LRRC4C: variants seen among roughly 807,000 people sequenced by gnomAD.
LRRC4C encodes the protein leucine rich repeat containing 4C.
A neutral mutation model predicts 33.6 loss-of-function variants in LRRC4C; 5 were observed. The observed-to-expected ratio is 0.15, with a 90% confidence interval of 0.08 to 0.31. LRRC4C has a LOEUF of 0.31. Ranked by LOEUF, LRRC4C falls within the 10% of genes least tolerant of loss-of-function variation. The probability of loss-of-function intolerance (pLI) is 1.00; values close to 1 mark genes in which losing one functional copy is unlikely to be tolerated. For missense variants in LRRC4C, 560 were observed against 796.7 expected (o/e 0.70, Z 3.58); for synonymous variants, 329 against 302.0 (o/e 1.09, Z -0.93).
chr11:40,748,244 G>A lies in LRRC4C; in HGVS notation c.-406-99966C>T, dbSNP rs547682355. On this transcript the variant is annotated intron_variant, in intron 2 of 6. Transcript: ENST00000528697. ...AAACTTTTCAGGTCAGCAAAGAATAGGATAATATATTTAAAGTGCTAGAAG... is the reference window on the plus strand; with the variant it reads ...AAACTTTTCAGGTCAGCAAAGAATAAGATAATATATTTAAAGTGCTAGAAG... 1.0e-3 allele frequency among the ~76,000 whole-genome samples: 155 copies of A among 152,018 alleles called. 1 individual carries two copies. The highest frequency in any genetic ancestry group is 3.4e-3 in the Middle Eastern group (1 of 294).
At chr11:41,084,435 A>G (rs1939804328) in intron 1 of LRRC4C, among the ~76,000 whole-genome samples, 1 of 152,110 alleles carries the variant, frequency 6.6e-6, no homozygotes, top group African/African-American at 2.4e-5. Context: ...AAGTTTTAAC[A>G]CATACATTTT....
rs1457468141 is a variant in LRRC4C, at chr11:41,343,364, G to GAAAAA, written c.-496+116066_-496+116067insTTTTT. 2.1e-5 allele frequency among the ~76,000 whole-genome samples: 3 copies of GAAAAA among 140,302 alleles called. No individual in the cohort carries two copies. The East Asian group carries it at 7.6e-4, about 36-fold the overall frequency. The allele number at this position is 140,302 out of a possible 152,430, so 92.0% of individuals were successfully genotyped here. A position where few individuals can be genotyped will look rare whatever the true frequency, so the allele number is the denominator to read the frequency against. ...AAGGGAAGAGCAAGGGATGATTAAA[G>GAAAAA]AGAAAACAAAACAAAACAAAACAAA... On this transcript the variant is annotated intron_variant, in intron 1 of 6. Transcript: ENST00000528697.
At chr11:41,041,863 C>CA (rs1294113595) in intron 1 of LRRC4C, among the ~76,000 whole-genome samples, 1 of 152,182 alleles carries the variant, frequency 6.6e-6, no homozygotes, top group Non-Finnish European at 1.5e-5. Context: ...TATGGATTCA[C>CA]AAACACTGAC....
intron 3 of LRRC4C, among the ~76,000 whole-genome samples, chr11:40,565,636 G>T (rs1317820338): frequency 6.6e-6 from 1 of 152,046 alleles, no homozygotes; most frequent in South Asian, 2.1e-4. Context: ...CTCACCCAAA[G>T]ACTCTTTTGG....
At chr11:40,625,746 C>T (rs533710571) in intron 3 of LRRC4C, among the ~76,000 whole-genome samples, 1 of 152,092 alleles carries the variant, frequency 6.6e-6, no homozygotes. Context: ...GGTAAAGTCA[C>T]TGAGCAAAAA....
chr11:40,465,623 A>G (rs1268740047), intron 3 of LRRC4C, among the ~76,000 whole-genome samples: 3 of 152,098 alleles, frequency 2.0e-5, no homozygotes, highest in Non-Finnish European at 4.4e-5. Flanking sequence ...TAACCCCATC[A>G]AAAAGTGGGC....
At chr11:40,907,402 G>A (rs556502683) in intron 2 of LRRC4C, among the ~76,000 whole-genome samples, 1 of 152,204 alleles carries the variant, frequency 6.6e-6, no homozygotes, top group East Asian at 1.9e-4. Context: ...ACATAATGGG[G>A]CAATCATTAT....
intron 1 of LRRC4C, among the ~76,000 whole-genome samples, chr11:41,061,987 C>T (rs999859951): frequency 6.6e-6 from 1 of 152,212 alleles, no homozygotes; most frequent in Non-Finnish European, 1.5e-5. Context: ...AATTGACAAG[C>T]TCAAGTGAGC....
At chr11:41,331,605 C>T (rs1362685865) in intron 1 of LRRC4C, among the ~76,000 whole-genome samples, 1 of 152,182 alleles carries the variant, frequency 6.6e-6, no homozygotes, top group Non-Finnish European at 1.5e-5. Flanking sequence ...ATATCCAACT[C>T]AAGGCACTTG....
At chr11:40,644,310 G>A (rs575551495) in intron 3 of LRRC4C, among the ~76,000 whole-genome samples, 6 of 152,204 alleles carry the variant, frequency 3.9e-5, no homozygotes, top group African/African-American at 1.2e-4. Context: ...GAGGATGAGA[G>A]GACAAGGACA....
chr11:41,250,849 C>A (rs1352062899), intron 1 of LRRC4C, among the ~76,000 whole-genome samples: 1 of 152,160 alleles, frequency 6.6e-6, no homozygotes, highest in East Asian at 1.9e-4. Context: ...GCAGAAGAAG[C>A]TTAAGATGTA....
intron 3 of LRRC4C, among the ~76,000 whole-genome samples, chr11:40,526,282 G>A (rs1335067756): frequency 6.6e-6 from 1 of 152,056 alleles, no homozygotes; most frequent in Non-Finnish European, 1.5e-5. Context: ...CATTAAAGGA[G>A]CAAAGGGGAA....
chr11:41,339,614 G>A (rs538368802), intron 1 of LRRC4C, among the ~76,000 whole-genome samples: 6 of 152,192 alleles, frequency 3.9e-5, no homozygotes, highest in African/African-American at 1.2e-4. Flanking sequence ...GGGGTGAGAC[G>A]GAGATCTTAA....
chr11:40,584,496 A>G (rs1184967275), intron 3 of LRRC4C, among the ~76,000 whole-genome samples: 2 of 152,088 alleles, frequency 1.3e-5, no homozygotes, highest in Non-Finnish European at 2.9e-5. Context: ...ATGAAAAATT[A>G]GATACAGTTG....
Position 40,898,760 on chromosome 11 carries a change from C to A in LRRC4C, c.-407+34875G>T, listed in dbSNP as rs189175158. Among the ~76,000 whole-genome samples the A allele has an allele frequency of 4.6e-3, 681 of 148,420 alleles. 3 individuals carry two copies. The highest frequency in any genetic ancestry group is 7.1e-3 in the Non-Finnish European group (480 of 67,806). ...TTTTATAAGTTTTAAAAATTCCTTG[C>A]TTTATTTGATAAAGAAAAAAAAAAA... On this transcript the variant is annotated intron_variant, in intron 2 of 6. Coordinates refer to ENST00000528697, the MANE Select transcript of LRRC4C (RefSeq NM_001258419.2).
intron 4 of LRRC4C, among the ~76,000 whole-genome samples, chr11:40,300,246 C>A (rs1944705791): frequency 6.6e-6 from 1 of 152,148 alleles, no homozygotes; most frequent in Non-Finnish European, 1.5e-5. Context: ...TCCCTCCTGG[C>A]CCCACCTCCA....
intron 2 of LRRC4C, among the ~76,000 whole-genome samples, chr11:40,651,586 A>G (rs1591374410): frequency 6.6e-6 from 1 of 152,178 alleles, no homozygotes; most frequent in Non-Finnish European, 1.5e-5. Flanking sequence ...ATTTCCATGC[A>G]TTGTCTAATT....
At chr11:40,958,430 G>A (rs1315453144) in intron 1 of LRRC4C, among the ~76,000 whole-genome samples, 1 of 151,690 alleles carries the variant, frequency 6.6e-6, no homozygotes, top group East Asian at 1.9e-4. Flanking sequence ...TAATCATAAA[G>A]ACATACATTG....
At chr11:40,966,243 A>G (rs895612233) in intron 1 of LRRC4C, among the ~76,000 whole-genome samples, 12 of 151,952 alleles carry the variant, frequency 7.9e-5, no homozygotes, top group Admixed American at 3.3e-4. Flanking sequence ...CACTTTACCT[A>G]TTTTTACATT....
Sources: allele counts gnomAD v4.1 joint callset (sites outside exome capture counted in the v4.1 genomes callset), GRCh38; gene constraint gnomAD v4.1.1; transcripts MANE v1.5; gene names NCBI Gene and HGNC (gene_info 2026-07-23, HGNC 2026-07-21).